The following OXR1 variants were observed in gnomAD, a reference collection of about 807,000 sequenced individuals.
OXR1 encodes oxidation resistance protein 1.
In OXR1, 41 loss-of-function variants were observed where a neutral mutation model predicts 104.6. The ratio of observed to expected loss-of-function variants is 0.39; its 90% CI spans 0.31 to 0.51. The LOEUF (loss-of-function observed/expected upper bound fraction) is 0.51, where lower values mean the gene tolerates loss of function less well. Ranked by LOEUF, OXR1 falls within the 20% of genes least tolerant of loss-of-function variation. The pLI is 0.77. For missense variants in OXR1, 955 were observed against 1,031.9 expected (o/e 0.93, Z 1.02); for synonymous variants, 348 against 348.4 (o/e 1.00, Z 0.01).
chr8:106,346,931 T>C (rs547979717), intron 1 of OXR1, among the ~76,000 whole-genome samples: 1 of 152,284 alleles, frequency 6.6e-6, no homozygotes, highest in South Asian at 2.1e-4. Flanking sequence ...TAGTCCCAGC[T>C]ACTCGGGAGG....
At chr8:106,707,494 C>A in intron 9 of OXR1, 1 of 427,156 alleles carries the variant, frequency 2.3e-6, no homozygotes, top group East Asian at 3.8e-5. Context: ...TGGTGTGTTA[C>A]CATTAAAAAT....
intron 1 of OXR1, among the ~76,000 whole-genome samples, chr8:106,278,187 A>C (rs1812135915): frequency 6.6e-6 from 1 of 152,200 alleles, no homozygotes; most frequent in South Asian, 2.1e-4. Context: ...AATCTACATC[A>C]TTAGACTGGC....
chr8:106,420,760 T>C (rs1215576731), intron 2 of OXR1, among the ~76,000 whole-genome samples: 1 of 102,904 alleles, frequency 9.7e-6, no homozygotes, highest in Non-Finnish European at 1.8e-5. Flanking sequence ...GTGTGTGTGT[T>C]AGTTACTAGC....
At position 106,706,966 on chromosome 8, in the gene OXR1, T is replaced by C. The variant is rs201809177; in HGVS notation, c.1445T>C (p.Val482Ala). The C allele has an allele frequency of 8.2e-5, 132 of 1,613,310 alleles. No homozygotes were observed. The highest frequency in any genetic ancestry group is 1.0e-4 in the Non-Finnish European group (122 of 1,179,810). Residue 482 changes from valine (V) to alanine (A), a missense_variant, in exon 9 of 17, where the codon GTT becomes GCT. By Grantham distance (64) the Val-to-Ala change is moderately conservative. Transcript: ENST00000517566. ...ETAEFKQKQS[V>A]NKGKQGKEQN... ...GCAGAATTTAAACAAAAGCAAAGTGTTAACAAAGGAAAACAAGGAAAGGAG... is the reference window on the plus strand; with the variant it reads ...GCAGAATTTAAACAAAAGCAAAGTGCTAACAAAGGAAAACAAGGAAAGGAG...
intron 2 of OXR1, among the ~76,000 whole-genome samples, chr8:106,376,898 G>A (rs1816928219): frequency 6.6e-6 from 1 of 152,166 alleles, no homozygotes. Flanking sequence ...TATGCTTTTG[G>A]ACTCTTCTAA....
chr8:106,330,032 A>G (rs978804544), intron 1 of OXR1, among the ~76,000 whole-genome samples: 4 of 152,104 alleles, frequency 2.6e-5, no homozygotes, highest in African/African-American at 9.7e-5. Context: ...ACTCTCCCAA[A>G]TTTGTCCTAT....
chr8:106,339,513 AAAAAAAATATATATATATAT>A (rs1815122675), intron 1 of OXR1, among the ~76,000 whole-genome samples: 1 of 38,172 alleles, frequency 2.6e-5, no homozygotes, highest in African/African-American at 1.7e-4. Flanking sequence ...AAAAAAAAAA[AAAAAAAATATATATATATAT>A]ATATATATAT....
chr8:106,340,413 A>G (rs577421327), intron 1 of OXR1, among the ~76,000 whole-genome samples: 2 of 152,286 alleles, frequency 1.3e-5, no homozygotes, highest in East Asian at 1.9e-4. Flanking sequence ...TTTAAAATCC[A>G]TAAATACTTC....
At chr8:106,439,789 G>A (rs753838122) in intron 2 of OXR1, among the ~76,000 whole-genome samples, 3 of 151,928 alleles carry the variant, frequency 2.0e-5, no homozygotes, top group Non-Finnish European at 4.4e-5. Context: ...TTCACCAAAG[G>A]GTTCAATAAA....
At chr8:106,732,869 T>C (rs1834019885) in intron 11 of OXR1, among the ~76,000 whole-genome samples, 1 of 152,150 alleles carries the variant, frequency 6.6e-6, no homozygotes, top group Admixed American at 6.6e-5. Flanking sequence ...TTTATTTCTA[T>C]TAGAGTAATG....
chr8:106,310,912 T>A (rs1344174366), intron 1 of OXR1, among the ~76,000 whole-genome samples: 1 of 152,160 alleles, frequency 6.6e-6, no homozygotes, highest in Non-Finnish European at 1.5e-5. Context: ...ATCATTTTTT[T>A]ATCCATTGTG....
At chr8:106,704,858 A>G (rs1047860287) in intron 8 of OXR1, among the ~76,000 whole-genome samples, 1 of 152,142 alleles carries the variant, frequency 6.6e-6, no homozygotes, top group Non-Finnish European at 1.5e-5. Flanking sequence ...ATTTAAAGAT[A>G]TTTCTTCAGA....
intron 3 of OXR1, among the ~76,000 whole-genome samples, chr8:106,594,728 C>T (rs1306044521): frequency 6.6e-6 from 1 of 152,176 alleles, no homozygotes; most frequent in Non-Finnish European, 1.5e-5. Context: ...TGAACTGATT[C>T]ATATTGCTGC....
At chr8:106,306,454 A>G (rs1391628588) in intron 1 of OXR1, among the ~76,000 whole-genome samples, 1 of 152,084 alleles carries the variant, frequency 6.6e-6, no homozygotes, top group Non-Finnish European at 1.5e-5. Context: ...AGCAAATGGA[A>G]AGCTTTGTTT....
At chr8:106,468,628 T>C (rs1364360950) in intron 2 of OXR1, among the ~76,000 whole-genome samples, 1 of 151,698 alleles carries the variant, frequency 6.6e-6, no homozygotes, top group Non-Finnish European at 1.5e-5. Flanking sequence ...TTTGGGGAAG[T>C]CATGGTAAGG....
chr8:106,296,173 A>G (rs928593176), intron 1 of OXR1, among the ~76,000 whole-genome samples: 3 of 152,120 alleles, frequency 2.0e-5, no homozygotes, highest in African/African-American at 2.4e-5. Context: ...CTTATAATCA[A>G]CTTGCACTGT....
At chr8:106,670,575 G>C (rs1166154263) in intron 3 of OXR1, among the ~76,000 whole-genome samples, 2 of 152,018 alleles carry the variant, frequency 1.3e-5, no homozygotes, top group Non-Finnish European at 1.5e-5. Flanking sequence ...CTATGAGAAA[G>C]AAAAATGGAT....
At chr8:106,294,229 C>T (rs967109969) in intron 1 of OXR1, among the ~76,000 whole-genome samples, 7 of 150,926 alleles carry the variant, frequency 4.6e-5, no homozygotes, top group East Asian at 2.0e-4. Flanking sequence ...GGTGAAACCC[C>T]GTCTCTTAAA....
At chr8:106,406,533 C>G (rs571799608) in intron 2 of OXR1, among the ~76,000 whole-genome samples, 3 of 152,176 alleles carry the variant, frequency 2.0e-5, no homozygotes, top group Non-Finnish European at 4.4e-5. Flanking sequence ...AATGAGCTAT[C>G]AAGCCATGAA....
Sources: allele counts gnomAD v4.1 joint callset (sites outside exome capture counted in the v4.1 genomes callset), GRCh38; gene constraint gnomAD v4.1.1; transcripts MANE v1.5; gene names NCBI Gene and HGNC (gene_info 2026-07-23, HGNC 2026-07-21).